VCL: variants seen among roughly 807,000 people sequenced by gnomAD.
The protein encoded by VCL is epididymis luminal protein 114.
Under a neutral mutation model 125.7 loss-of-function variants are expected in VCL, and 47 were observed. That is an observed-to-expected ratio of 0.37 (90% CI 0.30 to 0.48). VCL has a LOEUF of 0.48. Ranked by LOEUF, VCL falls within the 20% of genes least tolerant of loss-of-function variation. The pLI is 0.99. For synonymous variants in VCL, 458 were observed against 514.6 expected, an observed-to-expected ratio of 0.89 and a Z score of 1.49; for missense variants, 1,069 against 1,455.5, an observed-to-expected ratio of 0.73 and a Z score of 4.32.
intron 10 of VCL, among the ~76,000 whole-genome samples, chr10:74,092,659 C>G (rs1839907687): frequency 6.6e-6 from 1 of 152,172 alleles, no homozygotes. Context: ...GGCTTAATCA[C>G]TTTCCAGCTC....
chr10:74,095,626 G>C, intron 11 of VCL, 30 bp from the exon 12 acceptor site: 1 of 1,612,784 alleles, frequency 6.2e-7, no homozygotes, highest in Non-Finnish European at 8.5e-7. Context: ...TCTGGGTCTT[G>C]TAAGTTTCAT....
intron 18 of VCL, among the ~76,000 whole-genome samples, chr10:74,110,494 A>G (rs578064364): frequency 6.6e-6 from 1 of 152,244 alleles, no homozygotes; most frequent in South Asian, 2.1e-4. Flanking sequence ...CTGGGGAGGA[A>G]TATCTGTTCG....
At chr10:74,046,985 C>T (rs1841206138) in intron 2 of VCL, among the ~76,000 whole-genome samples, 1 of 152,204 alleles carries the variant, frequency 6.6e-6, no homozygotes, top group Admixed American at 6.5e-5. Flanking sequence ...TGTGTGGTAA[C>T]TAGGGCATCA....
At chr10:74,083,992 G>A (rs1839723975) in intron 8 of VCL, among the ~76,000 whole-genome samples, 1 of 152,082 alleles carries the variant, frequency 6.6e-6, no homozygotes, top group African/African-American at 2.4e-5. Flanking sequence ...TCAACCTCCC[G>A]AGTAGCTGGG....
At chr10:74,025,080 G>C (rs998245937) in intron 1 of VCL, among the ~76,000 whole-genome samples, 1 of 151,990 alleles carries the variant, frequency 6.6e-6, no homozygotes, top group Non-Finnish European at 1.5e-5. Context: ...GGCATGGCAC[G>C]ATCTCAGCTC....
chr10:74,081,997 T>G (rs1839683584), intron 6 of VCL, among the ~76,000 whole-genome samples: 1 of 152,194 alleles, frequency 6.6e-6, no homozygotes, highest in Non-Finnish European at 1.5e-5. Flanking sequence ...ATCCAGTGTG[T>G]GCATTTCAAA....
intron 1 of VCL, among the ~76,000 whole-genome samples, chr10:74,032,241 A>T (rs945508377): frequency 2.4e-4 from 19 of 78,030 alleles, no homozygotes; most frequent in South Asian, 4.0e-4. Flanking sequence ...GTTTCAGAAT[A>T]AAAAAAAAAA....
chr10:74,038,230 C>G (rs1288174008), intron 1 of VCL, among the ~76,000 whole-genome samples: 1 of 152,178 alleles, frequency 6.6e-6, no homozygotes, highest in Non-Finnish European at 1.5e-5. Context: ...TTCCTGATAT[C>G]AGGTGTTCCA....
chr10:74,114,572 C>T (rs890351625), intron 20 of VCL, among the ~76,000 whole-genome samples, 185 bp downstream of exon 20: 1 of 151,472 alleles, frequency 6.6e-6, no homozygotes, highest in African/African-American at 2.4e-5. Context: ...CTGGGAAAGA[C>T]AGATTCAGGA....
intron 1 of VCL, among the ~76,000 whole-genome samples, chr10:74,004,767 C>T (rs997671449): frequency 4.6e-5 from 7 of 151,150 alleles, no homozygotes; most frequent in Admixed American, 6.6e-5. Context: ...TGCAGTGGTG[C>T]GATCTCAGCT....
chr10:74,052,706 G>T (rs1457694024), intron 2 of VCL, among the ~76,000 whole-genome samples: 2 of 151,234 alleles, frequency 1.3e-5, no homozygotes, highest in African/African-American at 2.4e-5. Flanking sequence ...TTTTCTCAGA[G>T]ATATTTTTTA....
At chr10:74,001,199 G>A (rs1303293655) in intron 1 of VCL, among the ~76,000 whole-genome samples, 3 of 152,174 alleles carry the variant, frequency 2.0e-5, no homozygotes, top group Admixed American at 6.5e-5. Context: ...TTTTGGGGAG[G>A]CCAGAGGACC....
chr10:74,085,511 C>T (rs1375963524), intron 8 of VCL, among the ~76,000 whole-genome samples: 2 of 152,100 alleles, frequency 1.3e-5, no homozygotes. Flanking sequence ...CTTCCTTTTA[C>T]CCTCCTAAAG....
intron 1 of VCL, among the ~76,000 whole-genome samples, chr10:74,027,128 G>A (rs924817542): frequency 6.6e-6 from 1 of 152,160 alleles, no homozygotes; most frequent in Non-Finnish European, 1.5e-5. Flanking sequence ...AAGCACGTTC[G>A]GTTAGAGGGC....
rs1840277239 is a variant in VCL, at chr10:74,114,392, TC to T, written c.3153+6del. On this transcript the variant is annotated splice_donor_region_variant and intron_variant, in intron 20 of 21. Transcript: ENST00000211998. ...ATTAGAACCAACCTCTTACAGGTACTCGGGGAAAGAGGCTGCGTGTGTGTGT... is the reference window on the plus strand; with the variant it reads ...ATTAGAACCAACCTCTTACAGGTACTGGGGAAAGAGGCTGCGTGTGTGTGT... The T allele has an allele frequency of 6.2e-7, 1 of 1,609,446 alleles. No individual in the cohort carries two copies. Among genetic ancestry groups the T allele is most frequent in the Non-Finnish European group, 8.5e-7 (1 of 1,179,476 alleles).
At chr10:74,036,386 A>G (rs921274038) in intron 1 of VCL, among the ~76,000 whole-genome samples, 7 of 151,958 alleles carry the variant, frequency 4.6e-5, no homozygotes, top group African/African-American at 1.7e-4. Flanking sequence ...TATATTTAGT[A>G]GAGACAGGGT....
At chr10:74,037,464 T>C (rs1210179203) in intron 1 of VCL, among the ~76,000 whole-genome samples, 2 of 152,218 alleles carry the variant, frequency 1.3e-5, no homozygotes, top group African/African-American at 2.4e-5. Context: ...GTTATTTTGG[T>C]GATAGAACAC....
At chr10:74,103,693 G>C (rs1048673565) in intron 14 of VCL, 127 bp from the exon 15 acceptor site, 1 of 867,366 alleles carries the variant, frequency 1.2e-6, no homozygotes, top group African/African-American at 1.7e-5. Context: ...TATTCAGCCT[G>C]AAAAGAGACT....
intron 9 of VCL, among the ~76,000 whole-genome samples, chr10:74,089,759 A>AGGAACT (rs1839847414): frequency 1.3e-5 from 2 of 152,216 alleles, no homozygotes; most frequent in South Asian, 4.1e-4. Context: ...TGAGGAACTG[A>AGGAACT]GGAACTAATA....
Sources: gnomAD v4.1 joint callset for allele counts (sites outside exome capture counted in the v4.1 genomes callset) on GRCh38, gnomAD v4.1.1 for gene constraint, MANE v1.5 for transcripts, NCBI Gene and HGNC (gene_info 2026-07-23, HGNC 2026-07-21) for gene names.